The following ITGA2 variants were observed in gnomAD, a reference collection of about 807,000 sequenced individuals.
The protein encoded by ITGA2 is integrin subunit alpha 2, also known as integrin alpha-2.
In ITGA2, 101 loss-of-function variants were observed where a neutral mutation model predicts 146.3. The observed-to-expected ratio is 0.69, with a 90% CI of 0.59 to 0.81. ITGA2 has a LOEUF of 0.81. ITGA2 is among the 40% of genes least tolerant of loss of function. The pLI is 0.00. For missense variants in ITGA2, 1,281 were observed against 1,402.7 expected (o/e 0.91, Z 1.39); for synonymous variants, 477 against 487.1 (o/e 0.98, Z 0.27).
chr5:53,059,437 G>A (rs1228224409), intron 10 of ITGA2, among the ~76,000 whole-genome samples: 2 of 151,888 alleles, frequency 1.3e-5, no homozygotes, highest in African/African-American at 4.8e-5. Context: ...AAGTATCTCC[G>A]TCTCTCCCGT....
rs562669412 is a variant in ITGA2 at position 53,074,303 on chromosome 5, G to A, written c.2572-82G>A. 90 of 1,054,416 alleles carry A rather than the reference G, an allele frequency of 8.5e-5. No homozygotes were observed. The South Asian group carries it at 9.9e-4, about 12-fold the overall frequency. 65.3% of individuals were successfully genotyped at this position (1,054,416 alleles called of 1,614,324 possible). ...CCAACCTTACTGCTAAAATGCCACT[G>A]TACCTCTTTTACCAGGTGCGTGCAT... On this transcript the variant is annotated intron_variant, in intron 20 of 29. Coordinates refer to ENST00000296585, the MANE Select transcript of ITGA2 (RefSeq NM_002203.4).
chr5:52,995,296 G>A, intron 1 of ITGA2, among the ~76,000 whole-genome samples: 1 of 152,126 alleles, frequency 6.6e-6, no homozygotes, highest in Non-Finnish European at 1.5e-5. Context: ...GAGGAGAGTG[G>A]GTTGGATGGA....
At chr5:53,032,141 G>T (rs1743255557) in intron 2 of ITGA2, among the ~76,000 whole-genome samples, 1 of 151,176 alleles carries the variant, frequency 6.6e-6, no homozygotes, top group African/African-American at 2.4e-5. Flanking sequence ...AGGAGAAATA[G>T]AAAGAACAAG....
chr5:53,087,162 A>G (rs1166675293), intron 28 of ITGA2, 121 bp downstream of exon 28: 1 of 753,584 alleles, frequency 1.3e-6, no homozygotes, highest in East Asian at 2.7e-5. Flanking sequence ...CTAAAACTTT[A>G]AAGATCTGAT....
chr5:53,063,660 C>G (rs1745007238), intron 13 of ITGA2, among the ~76,000 whole-genome samples: 1 of 151,756 alleles, frequency 6.6e-6, no homozygotes, highest in African/African-American at 2.4e-5. Flanking sequence ...ATAGTAAATA[C>G]TATGTTTAAG....
At chr5:53,059,816 C>A in intron 10 of ITGA2, 58 bp from the exon 11 acceptor site, 3 of 1,517,530 alleles carry the variant, frequency 2.0e-6, no homozygotes, top group Non-Finnish European at 1.8e-6. Flanking sequence ...GCCTACCCTG[C>A]ATTCTTATGT....
rs1250775238 is a variant in ITGA2, at chr5:53,093,414, G to C, written c.*2815G>C. ...CTCAACCTGGGCGCTACTGTCATTTGGGGCCAGGTGATTCTTCCTTGCAGG... is the reference window on the plus strand; with the variant it reads ...CTCAACCTGGGCGCTACTGTCATTTCGGGCCAGGTGATTCTTCCTTGCAGG... On this transcript the variant is annotated 3_prime_UTR_variant, in exon 30 of 30. Transcript: ENST00000296585. 6.6e-6 allele frequency: 1 copy of C among 152,300 alleles called. No individual in the cohort carries two copies. The highest frequency in any genetic ancestry group is 1.9e-4 in the East Asian group (1 of 5,172). The allele number at this position is 152,300 out of a possible 1,614,324, so 9.4% of individuals were successfully genotyped here. A position where few individuals can be genotyped will look rare whatever the true frequency, so the allele number is the denominator to read the frequency against.
intron 13 of ITGA2, 75 bp downstream of exon 13, chr5:53,063,004 A>T (rs1293569721): frequency 2.6e-6 from 3 of 1,163,396 alleles, no homozygotes; most frequent in Non-Finnish European, 3.7e-6. Context: ...GGAAAGAAAA[A>T]TTTATTATTA....
Position 53,075,214 on chromosome 5 carries a change from TC to T in ITGA2, c.2742-6del, listed in dbSNP as rs748232567. On this transcript the variant is annotated splice_region_variant and splice_polypyrimidine_tract_variant and intron_variant, in intron 22 of 29. Coordinates refer to ENST00000296585, the MANE Select transcript of ITGA2 (RefSeq NM_002203.4). Reference sequence around the variant, plus strand: ...TTTAAGTAATTTCCTAATGTTTCTTTCTATAGTGAAAGCCAAGAAGAAAACA... The same window carrying T: ...TTTAAGTAATTTCCTAATGTTTCTTTTATAGTGAAAGCCAAGAAGAAAACA... 14 of 1,611,994 alleles carry T rather than the reference TC, an allele frequency of 8.7e-6. No individual in the cohort carries two copies. In the African/African-American group the frequency reaches 1.1e-4, roughly 12 times the overall value.
intron 18 of ITGA2, among the ~76,000 whole-genome samples, chr5:53,072,394 G>C (rs117017311): frequency 6.6e-6 from 1 of 150,398 alleles, no homozygotes; most frequent in African/African-American, 2.4e-5. Flanking sequence ...AGCTGTCCCC[G>C]CCATAGACAC....
At chr5:53,017,113 A>C (rs1432073494) in intron 1 of ITGA2, among the ~76,000 whole-genome samples, 6 of 152,138 alleles carry the variant, frequency 3.9e-5, no homozygotes, top group Non-Finnish European at 8.8e-5. Flanking sequence ...CTGGGTAAGA[A>C]CCATTGCTGG....
intron 27 of ITGA2, among the ~76,000 whole-genome samples, 174 bp downstream of exon 27, chr5:53,083,627 T>A (rs1339103838): frequency 6.6e-6 from 1 of 152,200 alleles, no homozygotes; most frequent in Non-Finnish European, 1.5e-5. Flanking sequence ...CCAATGCCCA[T>A]CCAATTTAGC....
intron 10 of ITGA2, 35 bp downstream of exon 10, chr5:53,058,136 AT>A (rs1313857965): frequency 6.7e-7 from 1 of 1,484,764 alleles, no homozygotes; most frequent in East Asian, 2.3e-5. Context: ...CCATGTTGTC[AT>A]TTGGCATAAC....
chr5:53,055,655 C>T lies in ITGA2; in HGVS notation c.897C>T (p.Cys299=), dbSNP rs1319270895. 1.9e-6 allele frequency: 3 copies of T among 1,613,268 alleles called. No homozygotes were observed. Among genetic ancestry groups the T allele is most frequent in the Middle Eastern group, 1.7e-4 (1 of 6,058 alleles). ...GSMLKAVIDQ[C]NHDNILRFGI... is the part of the protein sequence containing the mutation. ...TGTTGAAAGCTGTGATTGATCAATG[C>T]AACCATGACAATATACTGAGGTTTG... The change falls in exon 8 of 30, where the codon TGC becomes TGT. Residue 299 remains cysteine (C), a synonymous_variant. Coordinates refer to ENST00000296585, the MANE Select transcript of ITGA2 (RefSeq NM_002203.4).
At chr5:53,039,392 A>C (rs2111873183) in intron 2 of ITGA2, among the ~76,000 whole-genome samples, 1 of 152,328 alleles carries the variant, frequency 6.6e-6, no homozygotes, top group East Asian at 1.9e-4. Context: ...TGGTAACAGA[A>C]TGTATAATGC....
intron 10 of ITGA2, among the ~76,000 whole-genome samples, chr5:53,059,504 A>T (rs1027274898): frequency 6.6e-6 from 1 of 151,914 alleles, no homozygotes; most frequent in Non-Finnish European, 1.5e-5. Context: ...TTTCCTTATA[A>T]ATATGTGGAG....
intron 16 of ITGA2, among the ~76,000 whole-genome samples, chr5:53,069,354 G>A (rs915115454): frequency 6.6e-6 from 1 of 151,766 alleles, no homozygotes; most frequent in Non-Finnish European, 1.5e-5. Flanking sequence ...TAAGTAAATT[G>A]CCCCAAGTCA....
intron 27 of ITGA2, among the ~76,000 whole-genome samples, chr5:53,084,657 C>A (rs1367721021): frequency 6.6e-6 from 1 of 150,732 alleles, no homozygotes; most frequent in Non-Finnish European, 1.5e-5. Context: ...TCCTTTAAGA[C>A]GTGAAGCGTG....
chr5:53,065,147 A>G, intron 14 of ITGA2, 32 bp downstream of exon 14: 1 of 1,594,676 alleles, frequency 6.3e-7, no homozygotes. Context: ...TGATGTATGT[A>G]TTTGTGGGTC....
Sources: allele counts gnomAD v4.1 joint callset (sites outside exome capture counted in the v4.1 genomes callset), GRCh38; gene constraint gnomAD v4.1.1; transcripts MANE v1.5; gene names NCBI Gene and HGNC (gene_info 2026-07-23, HGNC 2026-07-21).